The following BCL2L14 variants were observed in gnomAD, a reference collection of about 807,000 sequenced individuals.
The protein encoded by BCL2L14 is BCL2 like 14, also known as apoptosis facilitator Bcl-2-like protein 14.
BCL2L14 carries 27 observed loss-of-function variants against 35.3 expected under a neutral mutation model. That is an observed-to-expected ratio of 0.76 (90% CI 0.56 to 1.05). The LOEUF (loss-of-function observed/expected upper bound fraction) is 1.05, where lower values mean the gene tolerates loss of function less well. BCL2L14 is among the 50% of genes least tolerant of loss of function. The pLI is 0.00. For synonymous variants in BCL2L14, 139 were observed against 145.9 expected, an observed-to-expected ratio of 0.95 and a Z score of 0.34; for missense variants, 377 against 382.6, an observed-to-expected ratio of 0.99 and a Z score of 0.12.
chr12:12,095,206 GATAAGAAATGTTTAGATAGACGTA>G, intron 5 of BCL2L14: 3 of 985,382 alleles, frequency 3.0e-6, no homozygotes, highest in Non-Finnish European at 3.6e-6. Context: ...GAGATGCTGA[GATAAGAAATGTTTAGATAGACGTA>G]ATTTCTGTTT....
At chr12:12,093,794 GAA>G (rs36147842) in intron 4 of BCL2L14, among the ~76,000 whole-genome samples, 2 of 131,634 alleles carry the variant, frequency 1.5e-5, no homozygotes, top group Non-Finnish European at 1.6e-5. Flanking sequence ...CTCCATCTCA[GAA>G]AAAAAAAAAA....
intron 5 of BCL2L14, among the ~76,000 whole-genome samples, chr12:12,098,128 T>C (rs1291441037): frequency 6.6e-6 from 1 of 152,102 alleles, no homozygotes; most frequent in Non-Finnish European, 1.5e-5. Context: ...GACATGTGGA[T>C]TGGGGCGTGT....
At chr12:12,050,814 G>A (rs200940132) in intron 1 of BCL2L14, among the ~76,000 whole-genome samples, 4,368 of 109,088 alleles carry the variant, frequency 0.04, 121 homozygotes, top group Non-Finnish European at 0.056. Flanking sequence ...AAAAAAAAAA[G>A]AAAAGAAAAG....
intron 2 of BCL2L14, among the ~76,000 whole-genome samples, chr12:12,062,046 G>A (rs1368543997): frequency 3.3e-5 from 5 of 151,304 alleles, no homozygotes; most frequent in South Asian, 2.1e-4. Flanking sequence ...GGCTGCTGCC[G>A]CCCTAATACT....
chr12:12,059,971 C>T (rs1362429870), intron 2 of BCL2L14, among the ~76,000 whole-genome samples: 1 of 152,082 alleles, frequency 6.6e-6, no homozygotes, highest in African/African-American at 2.4e-5. Context: ...CAATGCAACT[C>T]ATCACAAATC....
rs146706319 is a variant in BCL2L14 at position 12,087,670 on chromosome 12, T to C, written c.607+284T>C. 1.1e-4 allele frequency among the ~76,000 whole-genome samples: 16 copies of C among 152,380 alleles called. No individual in the cohort carries two copies. In the East Asian group the frequency reaches 2.3e-3, roughly 22 times the overall value. On this transcript the variant is annotated intron_variant, in intron 3 of 5. Transcript: ENST00000308721. ...CACAAAGCCCGCATTCAGCCTTGTC[T>C]GTGGCGGAAAATGCAATGTTAGATC...
intron 2 of BCL2L14, among the ~76,000 whole-genome samples, chr12:12,061,524 CTA>C (rs1491436648): frequency 1.7e-3 from 256 of 151,890 alleles, no homozygotes; most frequent in African/African-American, 5.5e-3. Flanking sequence ...AGTTCAGGAT[CTA>C]TGCCTTATCA....
At chr12:12,077,821 T>C in intron 1 of BCL2L14, 1 of 213,514 alleles carries the variant, frequency 4.7e-6, no homozygotes, top group Middle Eastern at 4.8e-4. Flanking sequence ...TAATTCTTGA[T>C]ACGCTCACTG....
intron 3 of BCL2L14, among the ~76,000 whole-genome samples, chr12:12,090,351 C>G (rs566733222): frequency 6.6e-6 from 1 of 152,254 alleles, no homozygotes; most frequent in East Asian, 1.9e-4. Flanking sequence ...TGCTTCTTGC[C>G]AGGCACAGTG....
upstream of BCL2L14, among the ~76,000 whole-genome samples, chr12:12,070,332 C>T (rs933450121): frequency 1.2e-4 from 18 of 152,204 alleles, no homozygotes; most frequent in African/African-American, 3.9e-4. Flanking sequence ...CCTCTCTGAG[C>T]CTCAGTTTCC....
intron 5 of BCL2L14, among the ~76,000 whole-genome samples, chr12:12,098,189 C>T (rs1233264070): frequency 6.6e-6 from 1 of 152,048 alleles, no homozygotes; most frequent in Non-Finnish European, 1.5e-5. Context: ...AGTAAGCCTC[C>T]TGGGACTTCC....
intron 2 of BCL2L14, among the ~76,000 whole-genome samples, chr12:12,063,483 C>A (rs1318184516): frequency 1.3e-5 from 2 of 149,442 alleles, no homozygotes; most frequent in Non-Finnish European, 3.0e-5. Context: ...AACAGCCCCA[C>A]AATATCACCC....
intron 2 of BCL2L14, among the ~76,000 whole-genome samples, chr12:12,065,666 G>A (rs1335534546): frequency 6.6e-6 from 1 of 152,276 alleles, no homozygotes; most frequent in Admixed American, 6.5e-5. Flanking sequence ...TAGTGAGGTT[G>A]GTTATGTAGG....
At chr12:12,089,548 A>C (rs1426409523) in intron 3 of BCL2L14, among the ~76,000 whole-genome samples, 1 of 151,740 alleles carries the variant, frequency 6.6e-6, no homozygotes, top group East Asian at 1.9e-4. Context: ...ATACAAAAAA[A>C]TTAGCCGGGT....
chr12:12,060,557 T>C (rs375667395), intron 2 of BCL2L14, among the ~76,000 whole-genome samples: 1,393 of 74,024 alleles, frequency 0.019, 23 homozygotes, highest in Middle Eastern at 0.06. Context: ...TTCCTTGCCT[T>C]CACTGTGAGA....
intron 2 of BCL2L14, among the ~76,000 whole-genome samples, chr12:12,080,462 T>A (rs993774160): frequency 6.6e-6 from 1 of 151,144 alleles, no homozygotes; most frequent in Admixed American, 6.6e-5. Context: ...CTACTAAAGA[T>A]ACAAAAAATT....
At chr12:12,052,054 C>T (rs1376722519) in intron 2 of BCL2L14, among the ~76,000 whole-genome samples, 1 of 151,958 alleles carries the variant, frequency 6.6e-6, no homozygotes, top group Non-Finnish European at 1.5e-5. Flanking sequence ...TTTTCTTTTT[C>T]TTTTTTGAGG....
intron 3 of BCL2L14, among the ~76,000 whole-genome samples, 169 bp downstream of exon 3, chr12:12,087,555 G>A (rs1267317387): frequency 6.6e-6 from 1 of 152,250 alleles, no homozygotes; most frequent in Non-Finnish European, 1.5e-5. Flanking sequence ...CCAGCCCAAG[G>A]CAAGGGGGCT....
intron 1 of BCL2L14, among the ~76,000 whole-genome samples, chr12:12,077,242 T>C (rs190107944): frequency 1.0e-3 from 154 of 152,242 alleles, no homozygotes; most frequent in African/African-American, 3.6e-3. Flanking sequence ...TTAAGAGCCA[T>C]ATTAAGACAG....
Sources: allele counts gnomAD v4.1 joint callset (sites outside exome capture counted in the v4.1 genomes callset), GRCh38; gene constraint gnomAD v4.1.1; transcripts MANE v1.5; gene names NCBI Gene and HGNC (gene_info 2026-07-23, HGNC 2026-07-21).